Variants in WDR87 observed in about 807,000 individuals in gnomAD.
WDR87 encodes WD repeat-containing protein 87.
A neutral mutation model predicts 83.3 loss-of-function variants in WDR87; 56 were observed. The ratio of observed to expected loss-of-function variants is 0.67; its 90% CI spans 0.54 to 0.84. The LOEUF is 0.84. WDR87 is among the 40% of genes least tolerant of loss of function. The pLI, the probability that WDR87 is intolerant of heterozygous loss-of-function variation, is 0.00. For missense variants in WDR87, 2,939 were observed against 3,431.9 expected (o/e 0.86, Z 3.59); for synonymous variants, 1,173 against 1,250.6 (o/e 0.94, Z 1.31).
chr19:37,886,574 T>C lies in WDR87; in HGVS notation c.7097A>G (p.Glu2366Gly), dbSNP rs1221633022. 6 of 1,518,742 alleles carry C rather than the reference T, an allele frequency of 4.0e-6. No individual in the cohort carries two copies. The highest frequency in any genetic ancestry group is 4.4e-6 in the Non-Finnish European group (5 of 1,136,288). 94.1% of individuals were successfully genotyped at this position (1,518,742 alleles called of 1,614,324 possible). A position where few individuals can be genotyped will look rare whatever the true frequency, so the allele number is the denominator to read the frequency against. ...TTCTTCCAATGAGCAGCTCTCCTCT[T>C]CCTCTTCCTCGTCACTCAAACTTTC... ...ETESLSDEEE[E>G]EESCSLEEEV... is the part of the protein sequence containing the mutation. The change falls in exon 6 of 6, where the codon GAA becomes GGA. Residue 2366 changes from glutamate (E) to glycine (G), a missense_variant. Glu to Gly is a moderately conservative substitution (Grantham distance 98). Transcript: ENST00000447313.
rs2046129025 is a variant in WDR87, at chr19:37,884,946, C to G, written c.8725G>C (p.Ala2909Pro). 7.6e-7 allele frequency: 1 copy of G among 1,315,430 alleles called. No individual in the cohort carries two copies. The allele number at this position is 1,315,430 out of a possible 1,614,324, so 81.5% of individuals were successfully genotyped here. Residue 2909 changes from alanine to proline, a missense_variant, in exon 6 of 6, where the codon GCT becomes CCT. Physicochemically the swap from Ala to Pro is conservative, Grantham distance 27. This residue lies in a region of WDR87 where 2,160 missense variants were observed against 2,533.1 expected (regional missense o/e 0.85). Coordinates refer to ENST00000447313, the MANE Select transcript of WDR87 (RefSeq NM_001291088.2). The part of the protein sequence containing the change: ...HLTKALTHTV[A>P]PTL ...TCAGTCCCAAATTAGAGAGTGGGAG[C>G]AACGGTGTGTGTCAGTGCCTTGGTG...
Position 37,891,701 on chromosome 19 carries a change from C to CT in WDR87, c.3244dup (p.Arg1082LysfsTer3). On this transcript the variant is annotated frameshift_variant, in exon 5 of 6. Transcript: ENST00000447313. LOFTEE classifies it high-confidence loss of function. ...TAAAGAAAAAGCCGGCTTTTCATCT[C>CT]TATGTGACAGGGTCAGGTTTTCATT... 6.4e-7 allele frequency: 1 copy of CT among 1,551,924 alleles called. No individual in the cohort carries two copies. Among genetic ancestry groups the CT allele is most frequent in the Non-Finnish European group, 8.7e-7 (1 of 1,147,048 alleles).
At position 37,892,693 on chromosome 19, in the gene WDR87, C is replaced by T. The variant is rs556137849; in HGVS notation, c.3010G>A (p.Asp1004Asn). ...TTGATCCTCACTCTTTCATCCTTGT[C>T]CATTAATCCTTGAGCCAGAGGCATG... ...FAMPLAQGLM[D>N]KDERVRIKTL... The change falls in exon 4 of 6, where the codon GAC becomes AAC. Residue 1004 changes from aspartate to asparagine, a missense_variant. Physicochemically the swap from Asp to Asn is conservative, Grantham distance 23. Coordinates refer to ENST00000447313, the MANE Select transcript of WDR87 (RefSeq NM_001291088.2). The T allele has an allele frequency of 2.6e-5, 40 of 1,551,816 alleles. No individual in the cohort carries two copies. The South Asian group carries it at 4.3e-4, about 17-fold the overall frequency.
chr19:37,889,774 T>G lies in WDR87; in HGVS notation c.3897A>C (p.Lys1299Asn). ...MALRISGSQT[K>N]MSENLNAELV... ...GCTCAGCGTTTAGGTTTTCTGACAT[T>G]TTTGTTTGGGAACCAGATATCCTCA... Residue 1299 changes from lysine (K) to asparagine (N), a missense_variant, in exon 6 of 6, where the codon AAA becomes AAC. Physicochemically the swap from Lys to Asn is moderately conservative, Grantham distance 94. Coordinates refer to ENST00000447313, the MANE Select transcript of WDR87 (RefSeq NM_001291088.2). 1 of 1,551,696 alleles carries G rather than the reference T, an allele frequency of 6.4e-7. No individual in the cohort carries two copies. The highest frequency in any genetic ancestry group is 8.7e-7 in the Non-Finnish European group (1 of 1,146,998).
chr19:37,894,189 GC>G lies in WDR87; in HGVS notation c.1513del (p.Ala505LeufsTer56), dbSNP rs1568453957. 14 of 1,552,280 alleles carry G rather than the reference GC, an allele frequency of 9.0e-6. No homozygotes were observed. Among genetic ancestry groups the G allele is most frequent in the Non-Finnish European group, 1.2e-5 (14 of 1,147,130 alleles). On this transcript the variant is annotated frameshift_variant, in exon 4 of 6. Transcript: ENST00000447313. LOFTEE classifies it high-confidence loss of function. ...ARLEKFMHFG[A>X]VLALSTLSGG... ...AGACAGCGTGGAGAGTGCCAGTACA[GC>G]GCCAAAGTGCATGAATTTTTCTAAT...
upstream of WDR87, chr19:37,906,655 A>C (rs2046332654): frequency 6.6e-6 from 1 of 150,888 alleles, no homozygotes; most frequent in Non-Finnish European, 1.5e-5. Context: ...GGACTTCCCG[A>C]GGCCAGGGGT....
intron 1 of WDR87, among the ~76,000 whole-genome samples, chr19:37,905,995 G>A (rs954200373): frequency 2.6e-5 from 4 of 152,002 alleles, no homozygotes; most frequent in Non-Finnish European, 5.9e-5. Flanking sequence ...CATTTTTGTT[G>A]AATGAGTGGA....
Position 37,893,936 on chromosome 19 carries a change from GGACA to G in WDR87, c.1763_1766del (p.Leu588ProfsTer8). 1 of 1,551,860 alleles carries G rather than the reference GGACA, an allele frequency of 6.4e-7. No homozygotes were observed. The highest frequency in any genetic ancestry group is 8.7e-7 in the Non-Finnish European group (1 of 1,147,028). On this transcript the variant is annotated frameshift_variant, in exon 4 of 6. Coordinates refer to ENST00000447313, the MANE Select transcript of WDR87 (RefSeq NM_001291088.2). LOFTEE classifies it high-confidence loss of function. The stretch of plus-strand genomic sequence containing the variant: ...ATTTCAAGCCATTCTGTGACCCAGA[GGACA>G]GAAAATCATGGAACTTCCAGAGACG...
rs1257348343 is a variant in WDR87 at position 37,886,753 on chromosome 19, CTCCTCCTCCTCCCTT to C, written c.6903_6917del (p.Arg2302_Glu2306del). 1.1e-5 allele frequency: 14 copies of C among 1,278,190 alleles called. No individual in the cohort carries two copies. The highest frequency in any genetic ancestry group is 1.5e-5 in the Non-Finnish European group (14 of 935,888). 79.2% of individuals were successfully genotyped at this position (1,278,190 alleles called of 1,614,324 possible). On this transcript the variant is annotated inframe_deletion, in exon 6 of 6. Coordinates refer to ENST00000447313, the MANE Select transcript of WDR87 (RefSeq NM_001291088.2). ...CCCCTTCCTCCTCCTCCTTCCTTTC[CTCCTCCTCCTCCCTT>C]TCCTCCTCCTCCTCCCTTTCCTCTT...
In WDR87 at chr19:37,894,661, A is replaced by G. The variant is rs2046238278; in HGVS notation, c.1042T>C (p.Leu348=). The change falls in exon 4 of 6, where the codon TTG becomes CTG. Residue 348 remains leucine (L), a synonymous_variant. Coordinates refer to ENST00000447313, the MANE Select transcript of WDR87 (RefSeq NM_001291088.2). ...CTGTAGAAGCAGGGCAGGCGGTGCA[A>G]GGAAAAACTATGGGCAGTTTGGCAG... ...FFCQTAHSFS[L]HRLPCFYSLF... 2.3e-5 allele frequency: 35 copies of G among 1,551,636 alleles called. No homozygotes were observed. Among genetic ancestry groups the G allele is most frequent in the Non-Finnish European group, 3.1e-5 (35 of 1,147,010 alleles).
intron 5 of WDR87, 78 bp from the exon 6 acceptor site, chr19:37,890,354 C>T: frequency 2.1e-6 from 3 of 1,422,038 alleles, no homozygotes; most frequent in Non-Finnish European, 2.8e-6. Context: ...TAGGTGTGAG[C>T]TAAGAAGAAC....
chr19:37,887,854 C>A lies in WDR87; in HGVS notation c.5817G>T (p.Glu1939Asp). The change falls in exon 6 of 6, where the codon GAG becomes GAT. Residue 1939 changes from glutamate to aspartate, a missense_variant. Glu to Asp is a conservative substitution (Grantham distance 45, BLOSUM62 2). Coordinates refer to ENST00000447313, the MANE Select transcript of WDR87 (RefSeq NM_001291088.2). ...GTTTCTCCTTCTTCTTGATCACAGT[C>A]TCCTTTTCCTGTGTCAGCTTCTCCT... The part of the protein sequence containing the change: ...QVEEKLTQEK[E>D]TVIKKKEKLA... The A allele has an allele frequency of 6.4e-7, 1 of 1,551,180 alleles. No homozygotes were observed. Among genetic ancestry groups the A allele is most frequent in the South Asian group, 1.2e-5 (1 of 83,826 alleles).
chr19:37,885,628 T>C lies in WDR87; in HGVS notation c.8043A>G (p.Leu2681=). 1 of 1,551,796 alleles carries C rather than the reference T, an allele frequency of 6.4e-7. No individual in the cohort carries two copies. The highest frequency in any genetic ancestry group is 8.7e-7 in the Non-Finnish European group (1 of 1,146,998). Residue 2681 remains leucine (L), a synonymous_variant, in exon 6 of 6, where the codon CTA becomes CTG. Transcript: ENST00000447313. The stretch of plus-strand genomic sequence containing the variant: ...CCCTCTCACTTCTGTAAGGTTCTCC[T>C]AGAAGATGCCAATTTTTAGCCCTTG... The part of the protein sequence containing the change: ...PDPRAKNWHL[L]GEPYRSERAQ...
intron 5 of WDR87, 109 bp from the exon 6 acceptor site, chr19:37,890,385 C>A: frequency 7.5e-7 from 1 of 1,327,034 alleles, no homozygotes; most frequent in Non-Finnish European, 9.8e-7. Flanking sequence ...GAAGTAACAA[C>A]AGAGAGAACT....
At position 37,889,187 on chromosome 19, in the gene WDR87, G is replaced by C. The variant is rs1395535360; in HGVS notation, c.4484C>G (p.Ser1495Cys). The C allele has an allele frequency of 6.4e-7, 1 of 1,552,198 alleles. No homozygotes were observed. Among genetic ancestry groups the C allele is most frequent in the African/African-American group, 1.4e-5 (1 of 73,100 alleles). The change falls in exon 6 of 6, where the codon TCT (serine) becomes TGT (cysteine). Residue 1495 changes from serine (S) to cysteine (C), a missense_variant. By Grantham distance (112) the Ser-to-Cys change is moderately radical (BLOSUM62 -1). Transcript: ENST00000447313. Reference sequence around the variant, plus strand: ...CCAGGCCTTTTTCCAGTCCTGCCAAGATGGTGTCCTCTCAATCATAACCAG... The same window carrying C: ...CCAGGCCTTTTTCCAGTCCTGCCAACATGGTGTCCTCTCAATCATAACCAG... ...GKLVMIERTP[S>C]WQDWKKAWDE...
chr19:37,887,332 G>A lies in WDR87; in HGVS notation c.6339C>T (p.Asn2113=), dbSNP rs1004969285. The A allele has an allele frequency of 9.0e-6, 14 of 1,551,326 alleles. No individual in the cohort carries two copies. The African/African-American group carries it at 1.6e-4, about 18-fold the overall frequency. ...ESLSKEPAKL[N]KILKALQKLT... ...GTTTTTGAAGTGCCTTTAAGATTTT[G>A]TTCAGTTTTGCTGGTTCCTTGGAAA... is the stretch of plus-strand genomic sequence containing the variant. The change falls in exon 6 of 6, where the codon AAC becomes AAT. Residue 2113 remains asparagine, a synonymous_variant. Transcript: ENST00000447313.
intron 3 of WDR87, 32 bp downstream of exon 3, chr19:37,896,106 T>C: frequency 1.3e-6 from 2 of 1,551,478 alleles, no homozygotes; most frequent in Non-Finnish European, 1.7e-6. Context: ...TCTTGGAGAA[T>C]GGGCCAAGAA....
At chr19:37,897,106 T>C (rs1420033516) in intron 2 of WDR87, among the ~76,000 whole-genome samples, 1 of 152,028 alleles carries the variant, frequency 6.6e-6, no homozygotes, top group African/African-American at 2.4e-5. Flanking sequence ...GGACACCCTA[T>C]CTGGCCTTTA....
rs549649771 is a variant in WDR87, at chr19:37,898,231, G to A, written c.9C>T (p.Ser3=). The change falls in exon 2 of 6, where the codon TCC becomes TCT. Residue 3 remains serine (S), a synonymous_variant. Transcript: ENST00000447313. MS[S]PRLIPLWKDL... ...CTTTCCACAGGGGAATGAGCCTGGG[G>A]GAAGACATCACCGTCAGACTCCCTT... The A allele has an allele frequency of 1.0e-4, 160 of 1,551,608 alleles. 3 individuals are homozygous for A. In the South Asian group the frequency reaches 1.9e-3, roughly 18 times the overall value.
Sources: allele counts gnomAD v4.1 joint callset (sites outside exome capture counted in the v4.1 genomes callset), GRCh38; gene constraint gnomAD v4.1.1; regional missense constraint gnomAD v4.1.1; transcripts MANE v1.5; gene names NCBI Gene and HGNC (gene_info 2026-07-23, HGNC 2026-07-21).